OTOP2: variants seen among roughly 807,000 people sequenced by gnomAD.
The protein encoded by OTOP2 is otopetrin 2, also known as proton channel OTOP2.
OTOP2 carries 41 observed loss-of-function variants against 47.4 expected under a neutral mutation model. The observed-to-expected ratio is 0.87, with a 90% CI of 0.67 to 1.12. The LOEUF (loss-of-function observed/expected upper bound fraction) is 1.12, where lower values mean the gene tolerates loss of function less well. Among genes scored for constraint, OTOP2 ranks in the 50% most tolerant of loss-of-function variants. The probability of loss-of-function intolerance (pLI) is 0.00; values close to 1 mark genes in which losing one functional copy is unlikely to be tolerated. For missense variants in OTOP2, 721 were observed against 752.2 expected, an observed-to-expected ratio of 0.96 and a Z score of 0.49; for synonymous variants, 328 against 319.6, an observed-to-expected ratio of 1.03 and a Z score of -0.28.
Position 74,931,169 on chromosome 17 carries a change from G to A in OTOP2, c.1518+16G>A. Reference sequence around the variant, plus strand: ...CAATGTCATTGTGAGTAGCTGGGGGGAGAAAGGGTGGGCTTGGGAGAAGAG... The same window carrying A: ...CAATGTCATTGTGAGTAGCTGGGGGAAGAAAGGGTGGGCTTGGGAGAAGAG... On this transcript the variant is annotated intron_variant, in intron 6 of 6. Transcript: ENST00000331427. 3 of 1,564,438 alleles carry A rather than the reference G, an allele frequency of 1.9e-6. No individual in the cohort carries two copies. The highest frequency in any genetic ancestry group is 2.3e-5 in the East Asian group (1 of 44,408).
intron 5 of OTOP2, among the ~76,000 whole-genome samples, chr17:74,929,868 AG>A (rs2039039414): frequency 6.6e-6 from 1 of 152,168 alleles, no homozygotes. Flanking sequence ...CATGACAGAC[AG>A]GGAGCCTGCC....
At chr17:74,931,209 C>T in intron 6 of OTOP2, 56 bp downstream of exon 6, 3 of 1,531,530 alleles carry the variant, frequency 2.0e-6, no homozygotes, top group Non-Finnish European at 2.6e-6. Context: ...AGGAAGGATG[C>T]TCTTGCAGGC....
chr17:74,927,199 T>A (rs2039015327), intron 3 of OTOP2, 24 bp from the exon 4 acceptor site: 2 of 1,597,216 alleles, frequency 1.3e-6, no homozygotes, highest in Non-Finnish European at 1.7e-6. Context: ...AGTAAATGAC[T>A]CTCACCAATG....
At chr17:74,931,953 CAAAAA>C (rs5822060) in intron 6 of OTOP2, among the ~76,000 whole-genome samples, 1 of 84,054 alleles carries the variant, frequency 1.2e-5, no homozygotes, top group Admixed American at 1.3e-4. Context: ...GACACTCTGT[CAAAAA>C]AAAAAAAAAA....
At chr17:74,932,547 G>A (rs567907374) in intron 6 of OTOP2, among the ~76,000 whole-genome samples, 4 of 152,338 alleles carry the variant, frequency 2.6e-5, no homozygotes, top group Admixed American at 6.5e-5. Flanking sequence ...GTCTTGGAAC[G>A]TCTTTGGTAC....
chr17:74,927,792 T>C lies in OTOP2; in HGVS notation c.637T>C (p.Ser213Pro), dbSNP rs1338287153. 6.2e-7 allele frequency: 1 copy of C among 1,613,924 alleles called. No individual in the cohort carries two copies. The highest frequency in any genetic ancestry group is 2.2e-5 in the East Asian group (1 of 44,882). The change falls in exon 5 of 7, where the codon TCT becomes CCT. Residue 213 changes from serine to proline, a missense_variant. Physicochemically the swap from Ser to Pro is moderately conservative, Grantham distance 74. Transcript: ENST00000331427. ...HSNASHARLI[S>P]DQHADNPVGG... The stretch of plus-strand genomic sequence containing the variant: ...CAACGCCAGCCACGCCCGTCTCATC[T>C]CTGACCGTGAGTTTCCTCTTAATGC...
chr17:74,933,369 A>G lies in OTOP2; in HGVS notation c.1519-6A>G. On this transcript the variant is annotated splice_polypyrimidine_tract_variant and splice_region_variant and intron_variant, in intron 6 of 6. Coordinates refer to ENST00000331427, the MANE Select transcript of OTOP2 (RefSeq NM_178160.3). The surrounding 1 kb of genome is among the most constrained non-coding windows in gnomAD (Gnocchi z 4.7). ...CAGCTCCTGAAATGCTCCTCTCTCC[A>G]CACAGCTGTGGATCATGCCTGCCTT... The G allele has an allele frequency of 6.3e-7, 1 of 1,599,004 alleles. No homozygotes were observed. The highest frequency in any genetic ancestry group is 1.3e-5 in the African/African-American group (1 of 74,890).
Position 74,924,497 on chromosome 17 carries a change from A to G in OTOP2, c.-33-103A>G, listed in dbSNP as rs1447261835. On this transcript the variant is annotated intron_variant, in intron 1 of 6. Coordinates refer to ENST00000331427, the MANE Select transcript of OTOP2 (RefSeq NM_178160.3). This position sits in a 1 kb window ranked among gnomAD's most constrained non-coding sequence, Gnocchi z 7.7. ...GCTTCCTCCAGCACCCGAAGCCCCA[A>G]CCCTGCGGGTCAGGAACTCCCTAGT... 1.8e-6 allele frequency: 2 copies of G among 1,086,162 alleles called. No individual in the cohort carries two copies. The highest frequency in any genetic ancestry group is 1.6e-5 in the African/African-American group (1 of 62,376). The allele number at this position is 1,086,162 out of a possible 1,614,324, so 67.3% of individuals were successfully genotyped here. A position where few individuals can be genotyped will look rare whatever the true frequency, so the allele number is the denominator to read the frequency against.
Position 74,924,375 on chromosome 17 carries a change from G to A in OTOP2, c.-34+42G>A, listed in dbSNP as rs1416283422. On this transcript the variant is annotated intron_variant, in intron 1 of 6. Coordinates refer to ENST00000331427, the MANE Select transcript of OTOP2 (RefSeq NM_178160.3). The surrounding 1 kb of genome is among the most constrained non-coding windows in gnomAD (Gnocchi z 7.7). ...GGAGGGCAGTCGGACTTGGGGAGTG[G>A]GGACCTTGGAGGGGTCCAACCGGGT... is the stretch of plus-strand genomic sequence containing the variant. The A allele has an allele frequency of 6.4e-6, 3 of 465,278 alleles. No homozygotes were observed. The highest frequency in any genetic ancestry group is 1.1e-5 in the Non-Finnish European group (3 of 265,454). 28.8% of individuals were successfully genotyped at this position (465,278 alleles called of 1,614,324 possible).
chr17:74,924,710 G>T lies in OTOP2; in HGVS notation c.78G>T (p.Lys26Asn). The T allele has an allele frequency of 6.2e-7, 1 of 1,605,586 alleles. No individual in the cohort carries two copies. Among genetic ancestry groups the T allele is most frequent in the Non-Finnish European group, 8.5e-7 (1 of 1,177,006 alleles). The change falls in exon 2 of 7, where the codon AAG becomes AAT. Residue 26 changes from lysine (K) to asparagine (N), a missense_variant. Lys to Asn is a moderately conservative substitution (Grantham distance 94, BLOSUM62 0). Coordinates refer to ENST00000331427, the MANE Select transcript of OTOP2 (RefSeq NM_178160.3). The surrounding 1 kb of genome is among the most constrained non-coding windows in gnomAD (Gnocchi z 7.7). ...CGGGCCCCAGGGAGGTGTGGAAGAA[G>T]GGTGGCCGCCTGCTGTCGGTGCTGC... ...PRAGPREVWK[K>N]GGRLLSVLLA...
chr17:74,925,912 C>T (rs1215542988), intron 3 of OTOP2, among the ~76,000 whole-genome samples: 1 of 152,204 alleles, frequency 6.6e-6, no homozygotes, highest in African/African-American at 2.4e-5. Flanking sequence ...TGGAGCTCTG[C>T]AATGTTATTT....
At position 74,933,399 on chromosome 17, in the gene OTOP2, G is replaced by T. The variant is rs772706765; in HGVS notation, c.1543G>T (p.Ala515Ser). The T allele has an allele frequency of 5.0e-6, 8 of 1,612,588 alleles. No individual in the cohort carries two copies. The highest frequency in any genetic ancestry group is 4.4e-5 in the South Asian group (4 of 90,944). The stretch of plus-strand genomic sequence containing the variant: ...GCTGTGGATCATGCCTGCCTTCGGG[G>T]CCCGCCCTCATTTCAGCAACACAGT... ...VILWIMPAFG[A>S]RPHFSNTVEV... Residue 515 changes from alanine to serine, a missense_variant, in exon 7 of 7, where the codon GCC (alanine) becomes TCC (serine). Ala to Ser is a moderately conservative substitution (Grantham distance 99). Coordinates refer to ENST00000331427, the MANE Select transcript of OTOP2 (RefSeq NM_178160.3). This position sits in a 1 kb window ranked among gnomAD's most constrained non-coding sequence, Gnocchi z 4.7.
intron 6 of OTOP2, among the ~76,000 whole-genome samples, chr17:74,932,980 A>G (rs1027153105): frequency 2.0e-5 from 3 of 152,012 alleles, no homozygotes; most frequent in East Asian, 3.9e-4. Flanking sequence ...CCTTGAGCCT[A>G]TCTGATTCTG....
In OTOP2 at chr17:74,931,050, C is replaced by A; in HGVS notation, c.1415C>A (p.Ser472Ter). ...PNPGLVSPSP[S>*]DQREAVAIVS... Reference sequence around the variant, plus strand: ...CCCGGGCTGGTTAGCCCCAGCCCTTCAGACCAGCGGGAAGCAGTGGCCATC... The same window carrying A: ...CCCGGGCTGGTTAGCCCCAGCCCTTAAGACCAGCGGGAAGCAGTGGCCATC... The change falls in exon 6 of 7, where the codon TCA becomes TAA. Residue 472 changes from serine (S) to a stop codon, truncating the protein, a stop_gained. Transcript: ENST00000331427. LOFTEE classifies it high-confidence loss of function. 2.5e-6 allele frequency: 4 copies of A among 1,614,198 alleles called. No individual in the cohort carries two copies. Among genetic ancestry groups the A allele is most frequent in the Non-Finnish European group, 3.4e-6 (4 of 1,180,022 alleles).
chr17:74,925,260 A>G (rs968343422), intron 2 of OTOP2, among the ~76,000 whole-genome samples: 1 of 152,118 alleles, frequency 6.6e-6, no homozygotes, highest in Non-Finnish European at 1.5e-5. Context: ...GAGCTCAGCC[A>G]GGGCCCTTTG....
At chr17:74,926,484 T>C (rs1052819556) in intron 3 of OTOP2, among the ~76,000 whole-genome samples, 5 of 151,926 alleles carry the variant, frequency 3.3e-5, no homozygotes. Context: ...GCAGGGGATG[T>C]TGTCAAATGA....
Position 74,933,741 on chromosome 17 carries a change from G to A in OTOP2, c.*196G>A. The stretch of plus-strand genomic sequence containing the variant: ...AGTCAGGACAGGCCCATCCACCCCA[G>A]TATGACCGTGGGGCATGAGGTGACT... On this transcript the variant is annotated 3_prime_UTR_variant, in exon 7 of 7. Coordinates refer to ENST00000331427, the MANE Select transcript of OTOP2 (RefSeq NM_178160.3). This position sits in a 1 kb window ranked among gnomAD's most constrained non-coding sequence, Gnocchi z 4.7. 1 of 582,626 alleles carries A rather than the reference G, an allele frequency of 1.7e-6. No homozygotes were observed. Among genetic ancestry groups the A allele is most frequent in the Non-Finnish European group, 2.9e-6 (1 of 350,304 alleles). The allele number at this position is 582,626 out of a possible 1,614,324, so 36.1% of individuals were successfully genotyped here. A position where few individuals can be genotyped will look rare whatever the true frequency, so the allele number is the denominator to read the frequency against.
Position 74,924,699 on chromosome 17 carries a change from G to T in OTOP2, c.67G>T (p.Val23Leu), listed in dbSNP as rs777574018. The change falls in exon 2 of 7, where the codon GTG (valine) becomes TTG (leucine). Residue 23 changes from valine to leucine, a missense_variant. Val to Leu is a conservative substitution (Grantham distance 32). Coordinates refer to ENST00000331427, the MANE Select transcript of OTOP2 (RefSeq NM_178160.3). The surrounding 1 kb of genome is among the most constrained non-coding windows in gnomAD (Gnocchi z 7.7). ...PPAPRAGPREVWKKGGRLLSV... is the reference protein window; with the variant it reads ...PPAPRAGPRELWKKGGRLLSV... ...GGCGCCGCGTGCGGGCCCCAGGGAGGTGTGGAAGAAGGGTGGCCGCCTGCT... is the reference window on the plus strand; with the variant it reads ...GGCGCCGCGTGCGGGCCCCAGGGAGTTGTGGAAGAAGGGTGGCCGCCTGCT... 1.9e-6 allele frequency: 3 copies of T among 1,603,792 alleles called. No individual in the cohort carries two copies. The highest frequency in any genetic ancestry group is 2.5e-6 in the Non-Finnish European group (3 of 1,176,548).
intron 4 of OTOP2, 97 bp downstream of exon 4, chr17:74,927,378 G>A (rs2039017746): frequency 2.9e-6 from 4 of 1,389,694 alleles, no homozygotes; most frequent in Admixed American, 1.7e-5. Context: ...CTCTCTTTAT[G>A]TCCCCTGGGT....
Sources: gnomAD v4.1 joint callset for allele counts (sites outside exome capture counted in the v4.1 genomes callset) on GRCh38, gnomAD v4.1.1 for gene constraint, Gnocchi (gnomAD v3.1) non-coding constraint, MANE v1.5 for transcripts, NCBI Gene and HGNC (gene_info 2026-07-23, HGNC 2026-07-21) for gene names.